Variants in SSBP3 observed in about 807,000 individuals in gnomAD.
SSBP3 encodes single stranded DNA binding protein 3.
In SSBP3, 5 loss-of-function variants were observed where a neutral mutation model predicts 69.6. The observed-to-expected ratio is 0.07, with a 90% CI of 0.04 to 0.15. SSBP3 has a LOEUF of 0.15. Ranked by LOEUF, SSBP3 falls within the 10% of genes least tolerant of loss-of-function variation. SSBP3 has a pLI of 1.00. For missense variants in SSBP3, 312 were observed against 534.0 expected, an observed-to-expected ratio of 0.58 and a Z score of 4.10; for synonymous variants, 196 against 193.4, an observed-to-expected ratio of 1.01 and a Z score of -0.11.
chr1:54,296,859 C>T (rs1055342882), intron 4 of SSBP3, among the ~76,000 whole-genome samples: 1 of 152,172 alleles, frequency 6.6e-6, no homozygotes, highest in African/African-American at 2.4e-5. Flanking sequence ...CAGAGCCTTG[C>T]CATCCCTGCC....
At chr1:54,225,478 G>A (rs1449301877) in exon 18 of SSBP3, 11 of 1,155,096 alleles carry the variant, frequency 9.5e-6, no homozygotes, top group Admixed American at 4.2e-5. Flanking sequence ...AACATATATC[G>A]TACACAAACT....
upstream of SSBP3, among the ~76,000 whole-genome samples, chr1:54,409,951 G>A (rs949785597): frequency 3.3e-5 from 5 of 152,222 alleles, no homozygotes; most frequent in African/African-American, 1.2e-4. Context: ...AGCCTGGGCA[G>A]GCAGCATCTC....
At chr1:54,298,815 T>C (rs1256172290) in intron 4 of SSBP3, among the ~76,000 whole-genome samples, 3 of 152,166 alleles carry the variant, frequency 2.0e-5, no homozygotes, top group Admixed American at 2.0e-4. Flanking sequence ...CAAACAGCCC[T>C]GAGCAAATAC....
intron 4 of SSBP3, among the ~76,000 whole-genome samples, chr1:54,353,061 A>C (rs538575979): frequency 1.3e-5 from 2 of 152,182 alleles, no homozygotes; most frequent in Non-Finnish European, 2.9e-5. Context: ...TCAGACCGTC[A>C]TGCCATCCCC....
intron 4 of SSBP3, among the ~76,000 whole-genome samples, chr1:54,317,520 G>C (rs1286741365): frequency 6.6e-6 from 1 of 151,398 alleles, no homozygotes; most frequent in Non-Finnish European, 1.5e-5. Context: ...CTGGGTGATA[G>C]AGCGAGACTC....
intron 4 of SSBP3, among the ~76,000 whole-genome samples, chr1:54,291,320 C>T (rs1179762675): frequency 6.6e-6 from 1 of 152,178 alleles, no homozygotes; most frequent in Non-Finnish European, 1.5e-5. Context: ...CACAGTCTGA[C>T]AAGTTCACCC....
chr1:54,338,943 G>A (rs1646559028), intron 4 of SSBP3, among the ~76,000 whole-genome samples: 1 of 152,170 alleles, frequency 6.6e-6, no homozygotes. Flanking sequence ...CCCCAAATAG[G>A]ATGCACGAGG....
At chr1:54,355,101 G>A (rs1296043337) in intron 4 of SSBP3, among the ~76,000 whole-genome samples, 2 of 152,186 alleles carry the variant, frequency 1.3e-5, no homozygotes, top group African/African-American at 4.8e-5. Flanking sequence ...GAGGCTCTCA[G>A]GCCAGGACAA....
intron 4 of SSBP3, among the ~76,000 whole-genome samples, chr1:54,296,431 G>C (rs1473958677): frequency 2.6e-5 from 4 of 152,314 alleles, no homozygotes; most frequent in African/African-American, 9.6e-5. Context: ...TAAGGCCATT[G>C]CCATGGTCCT....
intron 5 of SSBP3, among the ~76,000 whole-genome samples, chr1:54,280,533 T>C (rs957913475): frequency 1.3e-5 from 2 of 152,134 alleles, no homozygotes; most frequent in Admixed American, 6.5e-5. Context: ...TTTCAAAAGG[T>C]GTGGAGAACT....
chr1:54,296,246 T>G (rs536445877), intron 4 of SSBP3, among the ~76,000 whole-genome samples: 1 of 152,332 alleles, frequency 6.6e-6, no homozygotes, highest in Non-Finnish European at 1.5e-5. Context: ...CAAACAACTG[T>G]TGGAAGAGAC....
intron 4 of SSBP3, among the ~76,000 whole-genome samples, chr1:54,344,486 G>C (rs899481970): frequency 6.6e-6 from 1 of 152,122 alleles, no homozygotes; most frequent in Admixed American, 6.5e-5. Context: ...GGGGTGATTC[G>C]AATATGTTCA....
chr1:54,313,455 T>A (rs12047166), intron 4 of SSBP3, among the ~76,000 whole-genome samples: 10 of 138,074 alleles, frequency 7.2e-5, no homozygotes, highest in East Asian at 6.7e-4. Context: ...TTTTTTTTTT[T>A]TTTTTTCTTT....
intron 4 of SSBP3, among the ~76,000 whole-genome samples, chr1:54,372,152 G>A (rs756591108): frequency 5.9e-5 from 9 of 152,148 alleles, no homozygotes; most frequent in Admixed American, 3.3e-4. Flanking sequence ...CCCACATGCC[G>A]TGTAAGCCCT....
At chr1:54,311,990 G>A (rs765249602) in intron 4 of SSBP3, among the ~76,000 whole-genome samples, 6 of 152,102 alleles carry the variant, frequency 3.9e-5, no homozygotes, top group Admixed American at 6.6e-5. Context: ...AGCATCCACC[G>A]GCTGATTTGC....
intron 4 of SSBP3, among the ~76,000 whole-genome samples, chr1:54,399,936 G>A (rs1057200469): frequency 3.3e-5 from 5 of 152,012 alleles, no homozygotes; most frequent in African/African-American, 1.2e-4. Flanking sequence ...CAGGCCACAT[G>A]ATACCAGGTG....
intron 4 of SSBP3, among the ~76,000 whole-genome samples, chr1:54,306,464 C>T (rs796733750): frequency 7.9e-5 from 12 of 152,308 alleles, no homozygotes; most frequent in African/African-American, 2.6e-4. Context: ...AAAGCCCGGC[C>T]ACACTGCAGC....
chr1:54,364,805 G>C (rs941978507), intron 4 of SSBP3, among the ~76,000 whole-genome samples: 2 of 152,136 alleles, frequency 1.3e-5, no homozygotes, highest in Admixed American at 6.5e-5. Context: ...TGGTGAACTT[G>C]GCAGTATCGA....
At chr1:54,394,640 T>C (rs1039282289) in intron 4 of SSBP3, among the ~76,000 whole-genome samples, 1 of 150,924 alleles carries the variant, frequency 6.6e-6, no homozygotes, top group Non-Finnish European at 1.5e-5. Context: ...CAGCTTCCCA[T>C]GGACCTGCCA....
Sources: gnomAD v4.1 joint callset for allele counts (sites outside exome capture counted in the v4.1 genomes callset) on GRCh38, gnomAD v4.1.1 for gene constraint, MANE v1.5 for transcripts, NCBI Gene and HGNC (gene_info 2026-07-23, HGNC 2026-07-21) for gene names.